Variants in ZNF148 observed in about 807,000 individuals in gnomAD.
ZNF148 encodes Beta-Enolase Repressor Factor-1.
ZNF148 carries 7 observed loss-of-function variants against 67.7 expected under a neutral mutation model. That is an observed-to-expected ratio of 0.10 (90% CI 0.06 to 0.19). The LOEUF (loss-of-function observed/expected upper bound fraction) is 0.19. ZNF148 is among the 10% of genes least tolerant of loss of function. The probability of loss-of-function intolerance (pLI) is 1.00; values close to 1 mark genes in which losing one functional copy is unlikely to be tolerated. For synonymous variants in ZNF148, 333 were observed against 330.7 expected, an observed-to-expected ratio of 1.01 and a Z score of -0.08; for missense variants, 583 against 947.1, an observed-to-expected ratio of 0.62 and a Z score of 5.05.
rs1321049801 is a variant in ZNF148, at chr3:125,294,649, A to G, written c.334-6421T>C. ...ATGCACTGTCCTAAGTGCTGAAGAT[A>G]TTAATACAATACATGGGGAAGACAT... On this transcript the variant is annotated intron_variant, in intron 4 of 8. Coordinates refer to ENST00000360647, the MANE Select transcript of ZNF148 (RefSeq NM_021964.3). Among the ~76,000 whole-genome samples, 4 of 152,202 alleles carry G rather than the reference A, an allele frequency of 2.6e-5. No individual in the cohort carries two copies. The East Asian group carries it at 7.7e-4, about 29-fold the overall frequency.
At chr3:125,341,840 T>A (rs1303930363) in intron 1 of ZNF148, among the ~76,000 whole-genome samples, 1 of 151,144 alleles carries the variant, frequency 6.6e-6, no homozygotes, top group Non-Finnish European at 1.5e-5. Context: ...ACAAAAAATA[T>A]AAAAATTAGC....
intron 7 of ZNF148, among the ~76,000 whole-genome samples, chr3:125,269,206 A>C (rs74415100): frequency 1.2e-3 from 18 of 15,348 alleles, no homozygotes; most frequent in African/African-American, 0.01. Context: ...GGTCTCTACC[A>C]AAAAAAAAAA....
intron 7 of ZNF148, among the ~76,000 whole-genome samples, chr3:125,268,676 G>A (rs1400366320): frequency 6.6e-6 from 1 of 152,228 alleles, no homozygotes; most frequent in Admixed American, 6.5e-5. Context: ...TCCCGCAATT[G>A]CAACAACAAT....
At chr3:125,330,701 G>A (rs1229899581) in intron 2 of ZNF148, among the ~76,000 whole-genome samples, 2 of 151,792 alleles carry the variant, frequency 1.3e-5, no homozygotes, top group East Asian at 3.9e-4. Context: ...ACAAACAGAA[G>A]AATTTTTATG....
At chr3:125,263,000 T>C (rs1168680571) in intron 7 of ZNF148, among the ~76,000 whole-genome samples, 3 of 152,260 alleles carry the variant, frequency 2.0e-5, no homozygotes, top group Admixed American at 6.5e-5. Flanking sequence ...GTATTTTTTT[T>C]CCCACCATTC....
intron 1 of ZNF148, among the ~76,000 whole-genome samples, chr3:125,332,163 T>G (rs1941315981): frequency 6.6e-6 from 1 of 152,176 alleles, no homozygotes; most frequent in South Asian, 2.1e-4. Context: ...CTACAAACAG[T>G]ACAGTCTTTC....
At chr3:125,303,366 C>A (rs551063348) in intron 4 of ZNF148, among the ~76,000 whole-genome samples, 2 of 152,346 alleles carry the variant, frequency 1.3e-5, no homozygotes, top group East Asian at 3.9e-4. Context: ...AGCACCAAGC[C>A]GTGACCTGTT....
intron 4 of ZNF148, among the ~76,000 whole-genome samples, chr3:125,307,343 G>T (rs1241989150): frequency 1.3e-5 from 2 of 149,364 alleles, no homozygotes; most frequent in African/African-American, 4.9e-5. Flanking sequence ...TCGCTCTGTC[G>T]CCCAGGCTGG....
At position 125,290,571 on chromosome 3, in the gene ZNF148, T is replaced by C. The variant is rs1457352831; in HGVS notation, c.334-2343A>G. Among the ~76,000 whole-genome samples, 24 of 152,186 alleles carry C rather than the reference T, an allele frequency of 1.6e-4. 1 individual carries two copies. Among genetic ancestry groups the C allele is most frequent in the Admixed American group, 1.6e-3 (24 of 15,264 alleles). ...GTAAGATACTCTTTGTTGGTATTTC[T>C]TATAATAGCTGTCATTCATTTTCTC... On this transcript the variant is annotated intron_variant, in intron 4 of 8. Transcript: ENST00000360647.
At chr3:125,302,993 G>A (rs1028820418) in intron 4 of ZNF148, among the ~76,000 whole-genome samples, 9 of 152,094 alleles carry the variant, frequency 5.9e-5, no homozygotes, top group South Asian at 2.1e-4. Context: ...GGTAAACTGC[G>A]GTACATTGGT....
chr3:125,315,588 A>T (rs1940449315), intron 3 of ZNF148, among the ~76,000 whole-genome samples: 1 of 151,528 alleles, frequency 6.6e-6, no homozygotes, highest in African/African-American at 2.4e-5. Context: ...GCATGCCTGT[A>T]GTCCCAGCTA....
chr3:125,284,999 G>A (rs1938584113), intron 5 of ZNF148, among the ~76,000 whole-genome samples: 1 of 151,580 alleles, frequency 6.6e-6, no homozygotes, highest in East Asian at 1.9e-4. Flanking sequence ...AGCTAAAGAT[G>A]GAATAACAAC....
At chr3:125,287,147 G>T (rs558336800) in intron 5 of ZNF148, among the ~76,000 whole-genome samples, 1 of 152,152 alleles carries the variant, frequency 6.6e-6, no homozygotes, top group South Asian at 2.1e-4. Flanking sequence ...TGATGATTAT[G>T]ATTTCAAATC....
chr3:125,286,118 T>A (rs980770603), intron 5 of ZNF148, among the ~76,000 whole-genome samples: 2 of 152,124 alleles, frequency 1.3e-5, no homozygotes, highest in African/African-American at 4.8e-5. Flanking sequence ...TCACAAATGA[T>A]TTTAGAAATA....
At chr3:125,243,342 T>G (rs936640831) in intron 7 of ZNF148, among the ~76,000 whole-genome samples, 1 of 152,208 alleles carries the variant, frequency 6.6e-6, no homozygotes, top group Non-Finnish European at 1.5e-5. Flanking sequence ...TTTTAATGAA[T>G]TTACTTATTT....
At chr3:125,373,607 C>G (rs1210061290) in intron 1 of ZNF148, among the ~76,000 whole-genome samples, 1 of 152,088 alleles carries the variant, frequency 6.6e-6, no homozygotes. Context: ...CTTCTGATAA[C>G]TAGTCCTGAC....
chr3:125,240,367 C>T (rs1165663532), intron 7 of ZNF148, among the ~76,000 whole-genome samples: 1 of 152,142 alleles, frequency 6.6e-6, no homozygotes, highest in African/African-American at 2.4e-5. Context: ...CATACATACA[C>T]AAACTGGAGA....
intron 7 of ZNF148, among the ~76,000 whole-genome samples, chr3:125,241,536 TTTTC>T (rs1202358164): frequency 6.6e-6 from 1 of 152,156 alleles, no homozygotes; most frequent in Non-Finnish European, 1.5e-5. Flanking sequence ...TGTTCTTATC[TTTTC>T]TTTTTCCTTC....
intron 4 of ZNF148, chr3:125,292,850 A>G (rs1050702535): frequency 3.3e-5 from 5 of 152,190 alleles, no homozygotes; most frequent in African/African-American, 1.2e-4. Flanking sequence ...CTTTCCCTTA[A>G]AAGTATACAG....
Sources: gnomAD v4.1 joint callset for allele counts (sites outside exome capture counted in the v4.1 genomes callset) on GRCh38, gnomAD v4.1.1 for gene constraint, MANE v1.5 for transcripts, NCBI Gene and HGNC (gene_info 2026-07-23, HGNC 2026-07-21) for gene names.